The following RGR variants were observed in gnomAD, a reference collection of about 807,000 sequenced individuals.
RGR encodes the protein retinal G protein coupled receptor.
In RGR, 30 loss-of-function variants were observed where a neutral mutation model predicts 28.6. The ratio of observed to expected loss-of-function variants is 1.05; its 90% CI spans 0.78 to 1.42. RGR has a LOEUF of 1.42. RGR is among the 40% of genes most tolerant of loss of function. RGR has a pLI of 0.00. For synonymous variants in RGR, 180 were observed against 156.4 expected (o/e 1.15, Z -1.13); for missense variants, 404 against 375.6 (o/e 1.08, Z -0.62).
At position 84,252,890 on chromosome 10, in the gene RGR, T is replaced by C; in HGVS notation, c.392T>C (p.Leu131Pro). 6.2e-7 allele frequency: 1 copy of C among 1,614,180 alleles called. No homozygotes were observed. Residue 131 changes from leucine to proline, a missense_variant, in exon 4 of 7, where the codon CTG becomes CCG. Physicochemically the swap from Leu to Pro is moderately conservative, Grantham distance 98. Coordinates refer to ENST00000652092, the MANE Select transcript of RGR (RefSeq NM_001012720.2). ...SQLAWNSAVS[L>P]VLFVWLSSAF... is the part of the protein sequence containing the mutation. The stretch of plus-strand genomic sequence containing the variant: ...CTGGCCTGGAACTCAGCCGTCTCTC[T>C]GGTGCTCTTCGTGTGGCTGTCTTCT...
chr10:84,256,267 T>C (rs920645262), intron 5 of RGR, among the ~76,000 whole-genome samples: 9 of 151,930 alleles, frequency 5.9e-5, no homozygotes, highest in Non-Finnish European at 1.2e-4. Flanking sequence ...TTGGCCAGGC[T>C]GGTCTTGAAC....
chr10:84,258,280 A>C (rs1842912677), intron 6 of RGR, among the ~76,000 whole-genome samples: 2 of 152,150 alleles, frequency 1.3e-5, no homozygotes, highest in African/African-American at 4.8e-5. Context: ...CTCTGTGACC[A>C]GGGGTTGAGA....
At chr10:84,258,102 G>A (rs757446012) in intron 6 of RGR, 96 bp downstream of exon 6, 37 of 1,101,800 alleles carry the variant, frequency 3.4e-5, no homozygotes, top group Non-Finnish European at 4.9e-5. Flanking sequence ...CTCTGTGTCA[G>A]TCTCTTCCTT....
At chr10:84,249,089 G>T in intron 3 of RGR, 46 bp downstream of exon 3, 1 of 1,608,306 alleles carries the variant, frequency 6.2e-7, no homozygotes, top group Non-Finnish European at 8.5e-7. Context: ...ATGCAGTGTG[G>T]AGAGGATAAG....
Position 84,245,197 on chromosome 10 carries a change from C to A in RGR, c.79+28C>A. ...GAGCCAGGCAGAACCTGGGGTGCAG[C>A]GGGGGCCCAGTGGGTTCTGAGGACC... On this transcript the variant is annotated intron_variant, in intron 1 of 6. Transcript: ENST00000652092. The A allele has an allele frequency of 2.5e-6, 4 of 1,607,328 alleles. No homozygotes were observed. In the South Asian group the frequency reaches 4.4e-5, roughly 18 times the overall value.
intron 3 of RGR, 81 bp from the exon 4 acceptor site, chr10:84,252,776 G>T (rs878875886): frequency 1.3e-6 from 2 of 1,558,450 alleles, no homozygotes; most frequent in Non-Finnish European, 8.8e-7. Context: ...GACACTCTTC[G>T]AGATCAGGAA....
At position 84,248,013 on chromosome 10, in the gene RGR, G is replaced by A. The variant is rs1045716286; in HGVS notation, c.236+266G>A. On this transcript the variant is annotated intron_variant, in intron 2 of 6. Coordinates refer to ENST00000652092, the MANE Select transcript of RGR (RefSeq NM_001012720.2). ...GTGGGTTCTGTAACCAAGCAACCTAGGTTTGCATTCTGGCTTCAGCATTTC... is the reference window on the plus strand; with the variant it reads ...GTGGGTTCTGTAACCAAGCAACCTAAGTTTGCATTCTGGCTTCAGCATTTC... The A allele has an allele frequency of 4.9e-6, 3 of 617,338 alleles. No homozygotes were observed. In the African/African-American group the frequency reaches 5.5e-5, roughly 11 times the overall value. 38.2% of individuals were successfully genotyped at this position (617,338 alleles called of 1,614,324 possible).
At chr10:84,251,443 G>A (rs1449332041) in intron 3 of RGR, among the ~76,000 whole-genome samples, 1 of 152,166 alleles carries the variant, frequency 6.6e-6, no homozygotes, top group Non-Finnish European at 1.5e-5. Flanking sequence ...AATGCGAGGT[G>A]TCAGCATGGT....
chr10:84,254,090 G>A (rs1454472263), intron 4 of RGR, among the ~76,000 whole-genome samples: 1 of 152,150 alleles, frequency 6.6e-6, no homozygotes, highest in African/African-American at 2.4e-5. Flanking sequence ...TTCATGCTTG[G>A]GGGACAAACA....
At chr10:84,250,282 T>C (rs1842798944) in intron 3 of RGR, 28 of 707,188 alleles carry the variant, frequency 4.0e-5, no homozygotes, top group Non-Finnish European at 7.2e-5. Flanking sequence ...CATGTCCTCT[T>C]TGGAATCCAC....
intron 5 of RGR, chr10:84,255,196 G>A (rs7072175): frequency 0.17 from 25,978 of 155,010 alleles, 4,605 homozygotes; most frequent in African/African-American, 0.45. Flanking sequence ...TGCGTTTTCA[G>A]TGATCAAGAG....
In RGR at chr10:84,259,447, A is replaced by C. The variant is rs1222485964; in HGVS notation, c.*808A>C. 6.6e-6 allele frequency: 1 copy of C among 152,224 alleles called. No homozygotes were observed. Among genetic ancestry groups the C allele is most frequent in the Non-Finnish European group, 1.5e-5 (1 of 68,078 alleles). The allele number at this position is 152,224 out of a possible 1,614,324, so 9.4% of individuals were successfully genotyped here. On this transcript the variant is annotated 3_prime_UTR_variant, in exon 7 of 7. Coordinates refer to ENST00000652092, the MANE Select transcript of RGR (RefSeq NM_001012720.2). ...CAAATGGTAGCTCTATTTTTAAGAC[A>C]GTATGGAGAAATCACCATACTGTTT... is the stretch of plus-strand genomic sequence containing the variant.
chr10:84,251,379 C>T (rs547158010), intron 3 of RGR, among the ~76,000 whole-genome samples: 89 of 152,278 alleles, frequency 5.8e-4, no homozygotes, highest in African/African-American at 1.9e-3. Context: ...GCCATCGACT[C>T]GGTGGCTTGA....
In RGR at chr10:84,257,959, T is replaced by C; in HGVS notation, c.697T>C (p.Tyr233His). The C allele has an allele frequency of 1.9e-6, 3 of 1,614,226 alleles. No homozygotes were observed. Among genetic ancestry groups the C allele is most frequent in the Non-Finnish European group, 2.5e-6 (3 of 1,180,052 alleles). Reference sequence around the variant, plus strand: ...GGGCCCCTATGCCATCCTGTATCTATACGCAGTCATCGCAGACGTGACTTC... The same window carrying C: ...GGGCCCCTATGCCATCCTGTATCTACACGCAGTCATCGCAGACGTGACTTC... ...GWGPYAILYL[Y>H]AVIADVTSIS... The change falls in exon 6 of 7, where the codon TAC becomes CAC. Residue 233 changes from tyrosine (Y) to histidine (H), a missense_variant. Coordinates refer to ENST00000652092, the MANE Select transcript of RGR (RefSeq NM_001012720.2).
In RGR at chr10:84,251,191, C is replaced by T. The variant is rs541136386; in HGVS notation, c.359-1666C>T. Among the ~76,000 whole-genome samples, 27 of 152,066 alleles carry T rather than the reference C, an allele frequency of 1.8e-4. No individual in the cohort carries two copies. In the South Asian group the frequency reaches 2.9e-3, roughly 16 times the overall value. ...TGGAAGTTGCAGTGAGCCGAGATCA[C>T]GCCACTGCACTCCAGCCTGGGTGAC... On this transcript the variant is annotated intron_variant, in intron 3 of 6. Coordinates refer to ENST00000652092, the MANE Select transcript of RGR (RefSeq NM_001012720.2).
chr10:84,255,620 T>C (rs768639285), intron 5 of RGR, among the ~76,000 whole-genome samples: 1 of 151,872 alleles, frequency 6.6e-6, no homozygotes, highest in Non-Finnish European at 1.5e-5. Context: ...CTGGATGACC[T>C]CTAGCAAAGG....
intron 1 of RGR, among the ~76,000 whole-genome samples, chr10:84,245,619 C>T (rs1224599500): frequency 6.6e-6 from 1 of 152,186 alleles, no homozygotes; most frequent in African/African-American, 2.4e-5. Context: ...GCTCTCTGCC[C>T]TCAATGCCTT....
intron 3 of RGR, among the ~76,000 whole-genome samples, chr10:84,252,539 G>A (rs1005597470): frequency 9.2e-5 from 14 of 152,260 alleles, no homozygotes; most frequent in Non-Finnish European, 1.6e-4. Context: ...CATTGTGGGC[G>A]AGAATACTGG....
In RGR at chr10:84,258,866, A is replaced by G. The variant is rs1842921848; in HGVS notation, c.*227A>G. 1.7e-6 allele frequency: 1 copy of G among 585,184 alleles called. No homozygotes were observed. The highest frequency in any genetic ancestry group is 3.0e-6 in the Non-Finnish European group (1 of 330,808). 36.2% of individuals were successfully genotyped at this position (585,184 alleles called of 1,614,324 possible). A position where few individuals can be genotyped will look rare whatever the true frequency, so the allele number is the denominator to read the frequency against. On this transcript the variant is annotated 3_prime_UTR_variant, in exon 7 of 7. Transcript: ENST00000652092. Reference sequence around the variant, plus strand: ...ACACTCAAGGCTGAGAGGCCTCAGGAAAGTCATTCCTTTTTAAAAATAATA... The same window carrying G: ...ACACTCAAGGCTGAGAGGCCTCAGGGAAGTCATTCCTTTTTAAAAATAATA...
Sources: gnomAD v4.1 joint callset for allele counts (sites outside exome capture counted in the v4.1 genomes callset) on GRCh38, gnomAD v4.1.1 for gene constraint, MANE v1.5 for transcripts, NCBI Gene and HGNC (gene_info 2026-07-23, HGNC 2026-07-21) for gene names.